The following FRS2 variants were observed in gnomAD, a reference collection of about 807,000 sequenced individuals.
FRS2 encodes the protein FGFR signalling adaptor.
FRS2 carries 8 observed loss-of-function variants against 43.9 expected under a neutral mutation model. The observed-to-expected ratio is 0.18, with a 90% CI of 0.11 to 0.33. The LOEUF (loss-of-function observed/expected upper bound fraction) is 0.33, where lower values mean the gene tolerates loss of function less well. Among genes scored for constraint, FRS2 ranks in the 10% least tolerant of loss-of-function variants. The pLI is 1.00. For missense variants in FRS2, 534 were observed against 627.6 expected (o/e 0.85, Z 1.59); for synonymous variants, 219 against 220.3 (o/e 0.99, Z 0.05).
chr12:69,539,623 A>G (rs1877679179), intron 3 of FRS2, among the ~76,000 whole-genome samples: 1 of 152,108 alleles, frequency 6.6e-6, no homozygotes, highest in Non-Finnish European at 1.5e-5. Flanking sequence ...GGGATGCTGA[A>G]TCTGTACCCT....
At chr12:69,521,409 A>T (rs962100726) in intron 1 of FRS2, among the ~76,000 whole-genome samples, 3 of 152,006 alleles carry the variant, frequency 2.0e-5, no homozygotes, top group Admixed American at 6.6e-5. Flanking sequence ...CTCTTGCCCG[A>T]TTGCTCTGGC....
At chr12:69,524,338 G>T (rs1417249878) in intron 1 of FRS2, among the ~76,000 whole-genome samples, 1 of 152,126 alleles carries the variant, frequency 6.6e-6, no homozygotes, top group East Asian at 1.9e-4. Flanking sequence ...TGCTGGCAAA[G>T]TGATGTGAGG....
intron 1 of FRS2, among the ~76,000 whole-genome samples, chr12:69,493,553 T>C (rs1195849814): frequency 1.3e-5 from 2 of 152,108 alleles, no homozygotes; most frequent in African/African-American, 2.4e-5. Flanking sequence ...AAACCACGTC[T>C]CTACTAAAAA....
intron 3 of FRS2, among the ~76,000 whole-genome samples, chr12:69,542,935 C>G (rs1878047586): frequency 6.6e-6 from 1 of 152,158 alleles, no homozygotes; most frequent in African/African-American, 2.4e-5. Context: ...GATAATGACT[C>G]TTAGGCAGTT....
Position 69,485,179 on chromosome 12 carries a change from A to G in FRS2, c.-261+14649A>G, listed in dbSNP as rs1228192388. Among the ~76,000 whole-genome samples, 8 of 150,390 alleles carry G rather than the reference A, an allele frequency of 5.3e-5. No individual in the cohort carries two copies. In the East Asian group the frequency reaches 1.6e-3, roughly 30 times the overall value. On this transcript the variant is annotated intron_variant, in intron 1 of 8. Transcript: ENST00000549921. ...TCTTAAAACAGAAGTTTACTTATTT[A>G]TTTATTTATTTATTTATTTTTGAGA...
At chr12:69,478,198 G>A (rs1380503747) in intron 1 of FRS2, among the ~76,000 whole-genome samples, 1 of 151,796 alleles carries the variant, frequency 6.6e-6, no homozygotes, top group Non-Finnish European at 1.5e-5. Context: ...GACTTTTAAG[G>A]GGGATTTAAT....
intron 1 of FRS2, among the ~76,000 whole-genome samples, chr12:69,501,494 C>G (rs538978765): frequency 6.6e-6 from 1 of 152,330 alleles, no homozygotes; most frequent in African/African-American, 2.4e-5. Flanking sequence ...GTTATCTGCT[C>G]TTGAATGTGC....
chr12:69,540,520 T>G (rs1393944121), intron 3 of FRS2, among the ~76,000 whole-genome samples: 2 of 152,184 alleles, frequency 1.3e-5, no homozygotes, highest in African/African-American at 2.4e-5. Context: ...ATCCACGGGC[T>G]GATACTGGTA....
chr12:69,492,008 T>G (rs1277302267), intron 1 of FRS2, among the ~76,000 whole-genome samples: 1 of 152,202 alleles, frequency 6.6e-6, no homozygotes, highest in Non-Finnish European at 1.5e-5. Context: ...TGATTACTAG[T>G]TTGGTTATAT....
chr12:69,483,261 T>A (rs1871503273), intron 1 of FRS2, among the ~76,000 whole-genome samples: 1 of 152,186 alleles, frequency 6.6e-6, no homozygotes, highest in African/African-American at 2.4e-5. Flanking sequence ...TTTTATCCCA[T>A]GTGTAGTTTT....
At chr12:69,533,965 T>TA (rs1405339469) in intron 3 of FRS2, among the ~76,000 whole-genome samples, 1 of 152,166 alleles carries the variant, frequency 6.6e-6, no homozygotes, top group African/African-American at 2.4e-5. Context: ...GGTCTTCAGA[T>TA]ATGTAATAGT....
chr12:69,496,776 C>T (rs1477279780), intron 1 of FRS2, among the ~76,000 whole-genome samples: 1 of 152,082 alleles, frequency 6.6e-6, no homozygotes, highest in African/African-American at 2.4e-5. Flanking sequence ...CTACAAAAAT[C>T]GTTGCTTAGG....
At chr12:69,483,045 G>T (rs773967854) in intron 1 of FRS2, among the ~76,000 whole-genome samples, 1 of 152,252 alleles carries the variant, frequency 6.6e-6, no homozygotes, top group Non-Finnish European at 1.5e-5. Context: ...TTTTGAAGTA[G>T]ACTCACAGGA....
chr12:69,498,519 T>TTGTGTGTGTGTGCGTGTG (rs1555184760), intron 1 of FRS2, among the ~76,000 whole-genome samples: 1 of 141,502 alleles, frequency 7.1e-6, no homozygotes, highest in Non-Finnish European at 1.5e-5. Flanking sequence ...TTATGAGGGT[T>TTGTGTGTGTGTGCGTGTG]TGTGTGTGTG....
At chr12:69,523,788 ATT>A (rs1254758803) in intron 1 of FRS2, among the ~76,000 whole-genome samples, 1 of 152,116 alleles carries the variant, frequency 6.6e-6, no homozygotes, top group African/African-American at 2.4e-5. Flanking sequence ...TTCCTTCAGC[ATT>A]TGTTTGTCTG....
At chr12:69,485,103 A>ACGCG (rs1555183213) in intron 1 of FRS2, among the ~76,000 whole-genome samples, 3 of 145,760 alleles carry the variant, frequency 2.1e-5, no homozygotes, top group East Asian at 2.0e-4. Context: ...ACACACACAC[A>ACGCG]CACACACACA....
At chr12:69,559,462 A>T (rs1879701293) in intron 3 of FRS2, among the ~76,000 whole-genome samples, 1 of 152,170 alleles carries the variant, frequency 6.6e-6, no homozygotes, top group Admixed American at 6.5e-5. Flanking sequence ...ATTAAAAAAA[A>T]ACTAAAGAAA....
chr12:69,489,552 C>T (rs1872266643), intron 1 of FRS2, among the ~76,000 whole-genome samples: 3 of 151,840 alleles, frequency 2.0e-5, no homozygotes. Flanking sequence ...TGCCTGTAGT[C>T]CCAGCTACTC....
chr12:69,542,479 T>C (rs1318882043), intron 3 of FRS2, among the ~76,000 whole-genome samples: 2 of 152,190 alleles, frequency 1.3e-5, no homozygotes, highest in Non-Finnish European at 1.5e-5. Flanking sequence ...AGGAAAAAAG[T>C]ATAAAGAAGA....
Sources: allele counts gnomAD v4.1 joint callset (sites outside exome capture counted in the v4.1 genomes callset), GRCh38; gene constraint gnomAD v4.1.1; transcripts MANE v1.5; gene names NCBI Gene and HGNC (gene_info 2026-07-23, HGNC 2026-07-21).